ERBB4: variants seen among roughly 807,000 people sequenced by gnomAD.
ERBB4 encodes the protein receptor tyrosine-protein kinase erbB-4.
Under a neutral mutation model 158.0 loss-of-function variants are expected in ERBB4, and 42 were observed. The ratio of observed to expected loss-of-function variants is 0.27; its 90% CI spans 0.21 to 0.34. The LOEUF is 0.34. Among genes scored for constraint, ERBB4 ranks in the 10% least tolerant of loss-of-function variants. The pLI, the probability that ERBB4 is intolerant of heterozygous loss-of-function variation, is 1.00. For missense variants in ERBB4, 1,333 were observed against 1,624.1 expected (o/e 0.82, Z 3.08); for synonymous variants, 583 against 558.7 (o/e 1.04, Z -0.61).
chr2:212,188,706 A>C (rs1303754909), intron 1 of ERBB4, among the ~76,000 whole-genome samples: 1 of 151,874 alleles, frequency 6.6e-6, no homozygotes, highest in Non-Finnish European at 1.5e-5. Context: ...CCCTCTTCCT[A>C]CTAGATCCTT....
intron 1 of ERBB4, among the ~76,000 whole-genome samples, chr2:212,423,826 A>G (rs2091849896): frequency 6.6e-6 from 1 of 152,200 alleles, no homozygotes; most frequent in African/African-American, 2.4e-5. Context: ...ACCTGATGAG[A>G]GTAGACACTC....
rs559430319 is a variant in ERBB4, at chr2:211,447,452, T to C, written c.2488-16352A>G. The stretch of plus-strand genomic sequence containing the variant: ...GTAAACACAATCTTACGCAAAGATA[T>C]GAAAATAAAATGGGGTGGAGTTTCT... On this transcript the variant is annotated intron_variant, in intron 20 of 27. Transcript: ENST00000342788. Among the ~76,000 whole-genome samples the C allele has an allele frequency of 5.8e-4, 88 of 152,302 alleles. 1 individual carries two copies. Among genetic ancestry groups the C allele is most frequent in the Admixed American group, 1.4e-3 (22 of 15,288 alleles).
At chr2:211,630,619 A>T (rs181474099) in intron 16 of ERBB4, 25 bp from the exon 17 acceptor site, 105 of 1,603,814 alleles carry the variant, frequency 6.5e-5, no homozygotes, top group South Asian at 1.4e-4. Context: ...GAGAAAAAAA[A>T]AAATAAAAAG....
intron 19 of ERBB4, among the ~76,000 whole-genome samples, chr2:211,597,526 T>G (rs575852195): frequency 6.6e-6 from 1 of 152,262 alleles, no homozygotes; most frequent in South Asian, 2.1e-4. Flanking sequence ...CAAGTAAATT[T>G]TGAGAGCTAA....
chr2:212,264,677 T>C (rs969971801), intron 1 of ERBB4, among the ~76,000 whole-genome samples: 2 of 152,160 alleles, frequency 1.3e-5, no homozygotes, highest in South Asian at 2.1e-4. Flanking sequence ...ATAAATATTA[T>C]AAAATGGGAA....
intron 14 of ERBB4, among the ~76,000 whole-genome samples, chr2:211,670,034 T>C (rs919381790): frequency 2.6e-5 from 4 of 152,226 alleles, no homozygotes; most frequent in Admixed American, 6.5e-5. Context: ...TTCAACAGAA[T>C]ATATCATAAG....
intron 19 of ERBB4, among the ~76,000 whole-genome samples, chr2:211,563,989 A>T (rs1232415075): frequency 6.6e-6 from 1 of 152,206 alleles, no homozygotes; most frequent in African/African-American, 2.4e-5. Context: ...GACACAAATT[A>T]TATTGAGTTT....
chr2:211,848,026 C>T (rs1274404648), intron 3 of ERBB4, among the ~76,000 whole-genome samples: 1 of 152,072 alleles, frequency 6.6e-6, no homozygotes. Context: ...AAACCCAGGC[C>T]GTCTGGCTTA....
At position 212,167,422 on chromosome 2, in the gene ERBB4, T is replaced by C. The variant is rs2081381162; in HGVS notation, c.83-42519A>G. 2.0e-5 allele frequency among the ~76,000 whole-genome samples: 3 copies of C among 152,102 alleles called. No homozygotes were observed. In the South Asian group the frequency reaches 6.2e-4, roughly 32 times the overall value. ...CCATGCCACTCAGAATGCCAATTAT[T>C]AAAAAGTCCAGAAACAATACATGAT... On this transcript the variant is annotated intron_variant, in intron 1 of 27. Transcript: ENST00000342788.
intron 20 of ERBB4, among the ~76,000 whole-genome samples, chr2:211,483,002 T>C (rs2065122695): frequency 6.6e-6 from 1 of 152,080 alleles, no homozygotes; most frequent in Non-Finnish European, 1.5e-5. Flanking sequence ...AAACAATTAC[T>C]ATAATTATAT....
chr2:212,030,960 T>G (rs1238882976), intron 2 of ERBB4, among the ~76,000 whole-genome samples: 1 of 152,076 alleles, frequency 6.6e-6, no homozygotes, highest in Non-Finnish European at 1.5e-5. Context: ...TCCACCGACA[T>G]TTAACACCAG....
At chr2:211,488,249 A>T (rs903973244) in intron 20 of ERBB4, among the ~76,000 whole-genome samples, 2 of 152,102 alleles carry the variant, frequency 1.3e-5, no homozygotes, top group Non-Finnish European at 2.9e-5. Flanking sequence ...AACTATCCTG[A>T]GCACTGTGTT....
At chr2:211,754,152 G>C (rs946758710) in intron 4 of ERBB4, among the ~76,000 whole-genome samples, 6 of 151,982 alleles carry the variant, frequency 3.9e-5, no homozygotes, top group African/African-American at 1.5e-4. Context: ...AAGCCACCGC[G>C]CCTGGCCAAA....
Position 212,191,691 on chromosome 2 carries a change from T to C in ERBB4, c.83-66788A>G, listed in dbSNP as rs63749439. On this transcript the variant is annotated intron_variant, in intron 1 of 27. Transcript: ENST00000342788. ...CATATATCGCGTGTGTTATACATGT[T>C]ACATATAACACGTGTTATACATGTT... Among the ~76,000 whole-genome samples the C allele has an allele frequency of 2.4e-4, 5 of 20,808 alleles. No homozygotes were observed. In the South Asian group the frequency reaches 4.3e-3, roughly 18 times the overall value. 13.7% of individuals were successfully genotyped at this position (20,808 alleles called of 152,430 possible).
chr2:212,438,034 C>T (rs1223988562), intron 1 of ERBB4, among the ~76,000 whole-genome samples: 1 of 152,000 alleles, frequency 6.6e-6, no homozygotes, highest in Non-Finnish European at 1.5e-5. Context: ...TATCTGTTCG[C>T]ACATGTTTAG....
intron 4 of ERBB4, among the ~76,000 whole-genome samples, chr2:211,762,820 C>T (rs1476154059): frequency 6.6e-6 from 1 of 152,222 alleles, no homozygotes; most frequent in Admixed American, 6.5e-5. Context: ...CTCTCACTCT[C>T]ATTCAGCAAA....
intron 2 of ERBB4, among the ~76,000 whole-genome samples, chr2:212,124,349 T>C (rs759239994): frequency 2.2e-4 from 33 of 152,266 alleles, no homozygotes; most frequent in Admixed American, 3.3e-4. Flanking sequence ...AGTCTCCTTA[T>C]GTGATATAAA....
chr2:211,407,235 A>G (rs2125368378), intron 25 of ERBB4, among the ~76,000 whole-genome samples: 1 of 152,316 alleles, frequency 6.6e-6, no homozygotes, highest in African/African-American at 2.4e-5. Context: ...TAATACACTT[A>G]TATGTAATTA....
In ERBB4 at chr2:212,538,515, C is replaced by T; in HGVS notation, c.16G>A (p.Gly6Arg). 6.2e-7 allele frequency: 1 copy of T among 1,614,114 alleles called. No homozygotes were observed. Among genetic ancestry groups the T allele is most frequent in the Non-Finnish European group, 8.5e-7 (1 of 1,179,946 alleles). The part of the protein sequence containing the change: MKPAT[G>R]LWVWVSLLVA... ...AGAAGGCTCACCCAGACCCAAAGTC[C>T]TGTCGCCGGCTTCATTTTTTGGAAG... Residue 6 changes from glycine (G) to arginine (R), a missense_variant, in exon 1 of 28, where the codon GGA becomes AGA. Coordinates refer to ENST00000342788, the MANE Select transcript of ERBB4 (RefSeq NM_005235.3).
Sources: gnomAD v4.1 joint callset for allele counts (sites outside exome capture counted in the v4.1 genomes callset) on GRCh38, gnomAD v4.1.1 for gene constraint, MANE v1.5 for transcripts, NCBI Gene and HGNC (gene_info 2026-07-23, HGNC 2026-07-21) for gene names.